KSR2: variants seen among roughly 807,000 people sequenced by gnomAD.
KSR2 encodes kinase suppressor of ras 2.
In KSR2, 25 loss-of-function variants were observed where a neutral mutation model predicts 107.8. The ratio of observed to expected loss-of-function variants is 0.23; its 90% confidence interval spans 0.17 to 0.32. The LOEUF is 0.32. Ranked by LOEUF, KSR2 falls within the 10% of genes least tolerant of loss-of-function variation. The probability of loss-of-function intolerance (pLI) is 1.00; values close to 1 mark genes in which losing one functional copy is unlikely to be tolerated. For synonymous variants in KSR2, 480 were observed against 507.0 expected, an observed-to-expected ratio of 0.95 and a Z score of 0.71; for missense variants, 887 against 1,268.9, an observed-to-expected ratio of 0.70 and a Z score of 4.57.
chr12:117,880,134 G>A (rs373909638), intron 1 of KSR2, among the ~76,000 whole-genome samples: 4 of 152,176 alleles, frequency 2.6e-5, no homozygotes, highest in East Asian at 1.9e-4. Flanking sequence ...CAACAAGAGC[G>A]AAATTCCATC....
At chr12:117,880,364 C>T (rs1034531133) in intron 1 of KSR2, among the ~76,000 whole-genome samples, 2 of 152,066 alleles carry the variant, frequency 1.3e-5, no homozygotes, top group African/African-American at 2.4e-5. Context: ...TTGTACTAGA[C>T]GGTGCAGACA....
intron 14 of KSR2, among the ~76,000 whole-genome samples, chr12:117,489,213 G>A (rs966564688): frequency 7.9e-5 from 12 of 152,010 alleles, no homozygotes; most frequent in Admixed American, 2.6e-4. Flanking sequence ...CTGGGGGAAG[G>A]CAGTGTTCTG....
intron 3 of KSR2, among the ~76,000 whole-genome samples, chr12:117,849,862 A>T (rs757944726): frequency 3.9e-5 from 6 of 152,212 alleles, no homozygotes; most frequent in Non-Finnish European, 7.3e-5. Flanking sequence ...CATTTAACAA[A>T]CATGCATCCA....
intron 1 of KSR2, among the ~76,000 whole-genome samples, chr12:117,965,881 C>G (rs4766889): frequency 0.58 from 88,651 of 152,072 alleles, 26,061 homozygotes; most frequent in East Asian, 0.71. Flanking sequence ...CAAATGTTAG[C>G]GTTGGCTGGA....
intron 5 of KSR2, among the ~76,000 whole-genome samples, chr12:117,628,051 T>C (rs1033984692): frequency 2.0e-5 from 3 of 152,220 alleles, no homozygotes; most frequent in Admixed American, 2.0e-4. Flanking sequence ...TTCAGCTCCA[T>C]CAGGTCATTT....
At chr12:117,790,822 T>G (rs1220448112) in intron 3 of KSR2, among the ~76,000 whole-genome samples, 2 of 152,046 alleles carry the variant, frequency 1.3e-5, no homozygotes, top group Non-Finnish European at 2.9e-5. Context: ...CTGTGCACAT[T>G]CCTGGAATCC....
intron 5 of KSR2, among the ~76,000 whole-genome samples, chr12:117,655,619 C>T (rs903627304): frequency 2.6e-5 from 4 of 152,238 alleles, no homozygotes; most frequent in African/African-American, 4.8e-5. Flanking sequence ...CACGACATTA[C>T]GTTCTGCTGG....
At chr12:117,542,000 C>T (rs1749807045) in intron 9 of KSR2, among the ~76,000 whole-genome samples, 1 of 152,130 alleles carries the variant, frequency 6.6e-6, no homozygotes, top group Admixed American at 6.5e-5. Context: ...ATCCTCTCAC[C>T]TGAGCATCCT....
At chr12:117,610,269 C>A (rs1593048363) in intron 5 of KSR2, among the ~76,000 whole-genome samples, 1 of 152,160 alleles carries the variant, frequency 6.6e-6, no homozygotes, top group East Asian at 1.9e-4. Flanking sequence ...TCTAAAAATG[C>A]CACCTAAGGA....
At chr12:117,783,992 T>C (rs953876616) in intron 3 of KSR2, among the ~76,000 whole-genome samples, 3 of 152,188 alleles carry the variant, frequency 2.0e-5, no homozygotes, top group African/African-American at 7.2e-5. Context: ...TAGAGGCCAA[T>C]GTTATGTGAA....
At chr12:117,848,298 A>G (rs907807987) in intron 3 of KSR2, among the ~76,000 whole-genome samples, 1 of 152,222 alleles carries the variant, frequency 6.6e-6, no homozygotes, top group Non-Finnish European at 1.5e-5. Flanking sequence ...GGCCCAGGAC[A>G]GGAAGGTCTA....
intron 1 of KSR2, among the ~76,000 whole-genome samples, chr12:117,911,349 G>C (rs1895009142): frequency 6.6e-6 from 1 of 152,162 alleles, no homozygotes; most frequent in Admixed American, 6.5e-5. Context: ...CCTGTCATCT[G>C]TCATGAGAAG....
chr12:117,505,837 C>G (rs961442828), intron 14 of KSR2, among the ~76,000 whole-genome samples: 1 of 152,178 alleles, frequency 6.6e-6, no homozygotes, highest in Non-Finnish European at 1.5e-5. Context: ...TCCTCTAATC[C>G]CCATTTCTTC....
At chr12:117,817,440 T>A (rs1017950247) in intron 3 of KSR2, among the ~76,000 whole-genome samples, 4 of 152,070 alleles carry the variant, frequency 2.6e-5, no homozygotes, top group Admixed American at 1.3e-4. Flanking sequence ...CTCTAATTAA[T>A]GACTCAATAA....
chr12:117,798,193 C>A (rs762196723), intron 3 of KSR2, among the ~76,000 whole-genome samples: 1 of 152,216 alleles, frequency 6.6e-6, no homozygotes, highest in Non-Finnish European at 1.5e-5. Flanking sequence ...GGTGGGGCTA[C>A]CTGTCCTGAA....
At chr12:117,656,447 T>G (rs1282718385) in intron 5 of KSR2, among the ~76,000 whole-genome samples, 1 of 152,026 alleles carries the variant, frequency 6.6e-6, no homozygotes, top group African/African-American at 2.4e-5. Flanking sequence ...CCACTAAACC[T>G]CTACTAAAAA....
chr12:117,862,667 G>A (rs1893340533), intron 1 of KSR2, among the ~76,000 whole-genome samples: 1 of 151,694 alleles, frequency 6.6e-6, no homozygotes, highest in Admixed American at 6.6e-5. Flanking sequence ...AACAAAACTT[G>A]GAGCCTGGGA....
At chr12:117,715,028 C>T (rs1208753480) in intron 4 of KSR2, among the ~76,000 whole-genome samples, 1 of 152,052 alleles carries the variant, frequency 6.6e-6, no homozygotes, top group Non-Finnish European at 1.5e-5. Flanking sequence ...AGAAAAAAAA[C>T]TCTCCTGGTG....
intron 5 of KSR2, among the ~76,000 whole-genome samples, chr12:117,626,008 C>A (rs11835723): frequency 0.032 from 4,892 of 152,252 alleles, 247 homozygotes; most frequent in African/African-American, 0.11. Flanking sequence ...TTATAATATT[C>A]TCTGATGGTA....
Sources: gnomAD v4.1 joint callset for allele counts (sites outside exome capture counted in the v4.1 genomes callset) on GRCh38, gnomAD v4.1.1 for gene constraint, MANE v1.5 for transcripts, NCBI Gene and HGNC (gene_info 2026-07-23, HGNC 2026-07-21) for gene names.